The following ZC2HC1B variants were observed in gnomAD, a reference collection of about 807,000 sequenced individuals.
ZC2HC1B encodes the protein zinc finger C2HC-type containing 1B, also known as zinc finger C2HC domain-containing protein 1B.
In ZC2HC1B, 36 loss-of-function variants were observed where a neutral mutation model predicts 31.0. That is an observed-to-expected ratio of 1.16 (90% CI 0.89 to 1.54). The LOEUF is 1.54. ZC2HC1B is among the 40% of genes most tolerant of loss of function. The pLI is 0.00. For missense variants in ZC2HC1B, 260 were observed against 268.6 expected (o/e 0.97, Z 0.22); for synonymous variants, 73 against 88.0 (o/e 0.83, Z 0.95).
rs190126502 is a variant in ZC2HC1B at position 143,879,034 on chromosome 6, G to A, written c.29-5270G>A. ...GTGGGGCAGGGGTTGGGGGCAGGGC[G>A]CGATCTAGGAATCTTAACTTCTTTC... On this transcript the variant is annotated intron_variant, in intron 1 of 7. Coordinates refer to ENST00000237275, the MANE Select transcript of ZC2HC1B (RefSeq NM_001013623.3). Among the ~76,000 whole-genome samples the A allele has an allele frequency of 1.7e-3, 266 of 152,266 alleles. 1 individual carries two copies. Among genetic ancestry groups the A allele is most frequent in the African/African-American group, 4.4e-3 (184 of 41,554 alleles).
chr6:143,935,839 G>A (rs1778172502), intron 6 of ZC2HC1B, among the ~76,000 whole-genome samples: 1 of 151,476 alleles, frequency 6.6e-6, no homozygotes, highest in Non-Finnish European at 1.5e-5. Flanking sequence ...TATTTGTAGA[G>A]GTGAGGTATT....
rs1403739093 is a variant in ZC2HC1B at position 143,924,415 on chromosome 6, C to A, written c.599-13234C>A. 6.6e-6 allele frequency among the ~76,000 whole-genome samples: 1 copy of A among 151,408 alleles called. No homozygotes were observed. Among genetic ancestry groups the A allele is most frequent in the Non-Finnish European group, 1.5e-5 (1 of 67,844 alleles). ...ATATAATACACACACACACATATAT[C>A]CATGTTATCTACAAAGAGGGACAGT... On this transcript the variant is annotated intron_variant, in intron 6 of 7. Coordinates refer to ENST00000237275, the MANE Select transcript of ZC2HC1B (RefSeq NM_001013623.3). The surrounding 1 kb of genome is among the most constrained non-coding windows in gnomAD (Gnocchi z 5.2).
At chr6:143,888,138 A>G (rs1261286308) in intron 4 of ZC2HC1B, among the ~76,000 whole-genome samples, 1 of 152,078 alleles carries the variant, frequency 6.6e-6, no homozygotes, top group Non-Finnish European at 1.5e-5. Flanking sequence ...CAGTTATCTC[A>G]GCACCATTTG....
At chr6:143,932,754 T>C (rs1287384141) in intron 6 of ZC2HC1B, among the ~76,000 whole-genome samples, 5 of 152,214 alleles carry the variant, frequency 3.3e-5, no homozygotes, top group Non-Finnish European at 1.5e-5. Context: ...ATTGCCAGAA[T>C]TGCTTTTCTG....
At chr6:143,901,128 C>T (rs1392033943) in intron 5 of ZC2HC1B, among the ~76,000 whole-genome samples, 1 of 151,864 alleles carries the variant, frequency 6.6e-6, no homozygotes, top group African/African-American at 2.4e-5. Context: ...CATGAGCCAC[C>T]ACACGCGGCC....
At chr6:143,909,168 G>A (rs1777830830) in intron 6 of ZC2HC1B, among the ~76,000 whole-genome samples, 1 of 152,132 alleles carries the variant, frequency 6.6e-6, no homozygotes, top group South Asian at 2.1e-4. Flanking sequence ...GATTTGGTTT[G>A]CCAGTATTTT....
chr6:143,889,539 A>C (rs1254653365), intron 4 of ZC2HC1B, among the ~76,000 whole-genome samples: 1 of 152,122 alleles, frequency 6.6e-6, no homozygotes, highest in Non-Finnish European at 1.5e-5. Context: ...TGACTGTATT[A>C]ATATAGCACA....
At chr6:143,894,827 A>G (rs901464098) in intron 4 of ZC2HC1B, among the ~76,000 whole-genome samples, 11 of 152,210 alleles carry the variant, frequency 7.2e-5, no homozygotes, top group Non-Finnish European at 1.5e-4. Flanking sequence ...ACCATGTCAG[A>G]TGTCCTGCTG....
rs6570589 is a variant in ZC2HC1B, at chr6:143,918,939, G to T, written c.598+15787G>T. Among the ~76,000 whole-genome samples, 55,745 of 151,844 alleles carry T rather than the reference G, an allele frequency of 0.37. 10,408 individuals are homozygous for T. The highest frequency in any genetic ancestry group is 0.48 in the South Asian group (2,320 of 4,808). ...TTATCTTCGTGGATATTTCCATTTT[G>T]TTCATAGATCTTTTTCTTGAGTCTC... On this transcript the variant is annotated intron_variant, in intron 6 of 7. Transcript: ENST00000237275. The surrounding 1 kb of genome is among the most constrained non-coding windows in gnomAD (Gnocchi z 4.1).
In ZC2HC1B at chr6:143,885,161, A is replaced by G. The variant is rs923147920; in HGVS notation, c.90+796A>G. 6.4e-4 allele frequency among the ~76,000 whole-genome samples: 98 copies of G among 152,356 alleles called. No individual in the cohort carries two copies. The highest frequency in any genetic ancestry group is 8.2e-4 in the Non-Finnish European group (56 of 68,032). On this transcript the variant is annotated intron_variant, in intron 2 of 7. Transcript: ENST00000237275. This position sits in a 1 kb window ranked among gnomAD's most constrained non-coding sequence, Gnocchi z 4.2. Reference sequence around the variant, plus strand: ...CTGTAAGCCTGACTATGTTTTGGACAAAAGACTATAAAATGAGGTTGTAGG... The same window carrying G: ...CTGTAAGCCTGACTATGTTTTGGACGAAAGACTATAAAATGAGGTTGTAGG...
rs933595830 is a variant in ZC2HC1B at position 143,913,225 on chromosome 6, G to A, written c.598+10073G>A. Among the ~76,000 whole-genome samples the A allele has an allele frequency of 6.6e-6, 1 of 152,088 alleles. No individual in the cohort carries two copies. Among genetic ancestry groups the A allele is most frequent in the Non-Finnish European group, 1.5e-5 (1 of 68,020 alleles). On this transcript the variant is annotated intron_variant, in intron 6 of 7. Coordinates refer to ENST00000237275, the MANE Select transcript of ZC2HC1B (RefSeq NM_001013623.3). The surrounding 1 kb of genome is among the most constrained non-coding windows in gnomAD (Gnocchi z 5.7). The stretch of plus-strand genomic sequence containing the variant: ...TGTGGCTGGAGTGTCCAGCTAGAAG[G>A]TTCTACCCAGTGAGGAAGAAGCAGT...
In ZC2HC1B at chr6:143,911,428, G is replaced by A. The variant is rs1471752043; in HGVS notation, c.598+8276G>A. The stretch of plus-strand genomic sequence containing the variant: ...TAATGGCTTTTCCTTTCCATACTTA[G>A]TGCTTCCTTCAGGAGCTCTTGCAAG... On this transcript the variant is annotated intron_variant, in intron 6 of 7. Transcript: ENST00000237275. The surrounding 1 kb of genome is among the most constrained non-coding windows in gnomAD (Gnocchi z 4.5). 1.3e-5 allele frequency among the ~76,000 whole-genome samples: 2 copies of A among 152,108 alleles called. No homozygotes were observed. The highest frequency in any genetic ancestry group is 1.9e-4 in the East Asian group (1 of 5,192).
At chr6:143,874,560 CAG>C (rs1777384467) in intron 1 of ZC2HC1B, among the ~76,000 whole-genome samples, 1 of 152,164 alleles carries the variant, frequency 6.6e-6, no homozygotes, top group African/African-American at 2.4e-5. Context: ...GGGGAGGACT[CAG>C]AATCATGGCA....
rs1037362662 is a variant in ZC2HC1B at position 143,936,190 on chromosome 6, G to A, written c.599-1459G>A. On this transcript the variant is annotated intron_variant, in intron 6 of 7. Coordinates refer to ENST00000237275, the MANE Select transcript of ZC2HC1B (RefSeq NM_001013623.3). ...TCCCAGAGTCTTATGAGAAGACATA[G>A]CATGCACAGGAAAACTTCTAATACA... Among the ~76,000 whole-genome samples the A allele has an allele frequency of 2.6e-5, 4 of 152,272 alleles. No individual in the cohort carries two copies. In the East Asian group the frequency reaches 7.7e-4, roughly 29 times the overall value.
chr6:143,903,063 C>T lies in ZC2HC1B; in HGVS notation c.509C>T (p.Pro170Leu), dbSNP rs1489534796. The T allele has an allele frequency of 6.4e-7, 1 of 1,551,442 alleles. No homozygotes were observed. The highest frequency in any genetic ancestry group is 8.7e-7 in the Non-Finnish European group (1 of 1,146,946). ...CTGTAGGGTAGGGCTCAGATGGGTCCAAAAAAAGAACCAACTGTTACCAGT... is the reference window on the plus strand; with the variant it reads ...CTGTAGGGTAGGGCTCAGATGGGTCTAAAAAAAGAACCAACTGTTACCAGT... The part of the protein sequence containing the change: ...SRAQGRAQMG[P>L]KKEPTVTSAV... Residue 170 changes from proline to leucine, a missense_variant, in exon 6 of 8, where the codon CCA (proline) becomes CTA (leucine). Physicochemically the swap from Pro to Leu is moderately conservative, Grantham distance 98. Transcript: ENST00000237275. This position sits in a 1 kb window ranked among gnomAD's most constrained non-coding sequence, Gnocchi z 4.3.
chr6:143,932,902 T>C (rs539553026), intron 6 of ZC2HC1B, among the ~76,000 whole-genome samples: 46 of 152,260 alleles, frequency 3.0e-4, no homozygotes, highest in African/African-American at 1.1e-3. Context: ...ATTGTGGTGA[T>C]TGTTCTTGCT....
intron 1 of ZC2HC1B, 81 bp downstream of exon 1, chr6:143,864,648 G>A (rs1777234288): frequency 1.4e-6 from 2 of 1,435,234 alleles, no homozygotes; most frequent in African/African-American, 1.4e-5. Context: ...AAAGCTGGTA[G>A]GTATTAGCTT....
intron 4 of ZC2HC1B, among the ~76,000 whole-genome samples, chr6:143,894,748 A>G (rs2128494623): frequency 6.6e-6 from 1 of 152,326 alleles, no homozygotes; most frequent in East Asian, 1.9e-4. Context: ...TATGAGAAAT[A>G]TATTCATTTT....
Position 143,903,665 on chromosome 6 carries a change from C to G in ZC2HC1B, c.598+513C>G, listed in dbSNP as rs969407067. Among the ~76,000 whole-genome samples the G allele has an allele frequency of 6.6e-6, 1 of 152,162 alleles. No individual in the cohort carries two copies. Among genetic ancestry groups the G allele is most frequent in the Admixed American group, 6.5e-5 (1 of 15,272 alleles). Reference sequence around the variant, plus strand: ...CAAGAATTTCTGTACAGTCATCCCTCGGTATCCACAGGGGATTGGTCCCAG... The same window carrying G: ...CAAGAATTTCTGTACAGTCATCCCTGGGTATCCACAGGGGATTGGTCCCAG... On this transcript the variant is annotated intron_variant, in intron 6 of 7. Transcript: ENST00000237275. The surrounding 1 kb of genome is among the most constrained non-coding windows in gnomAD (Gnocchi z 4.3).
Sources: gnomAD v4.1 joint callset for allele counts (sites outside exome capture counted in the v4.1 genomes callset) on GRCh38, gnomAD v4.1.1 for gene constraint, Gnocchi (gnomAD v3.1) non-coding constraint, MANE v1.5 for transcripts, NCBI Gene and HGNC (gene_info 2026-07-23, HGNC 2026-07-21) for gene names.